TTC27: variants seen among roughly 807,000 people sequenced by gnomAD.
The protein encoded by TTC27 is tetratricopeptide repeat protein 27.
In TTC27, 79 loss-of-function variants were observed where a neutral mutation model predicts 115.9. The ratio of observed to expected loss-of-function variants is 0.68; its 90% confidence interval spans 0.57 to 0.82. The LOEUF (loss-of-function observed/expected upper bound fraction) is 0.82. Among genes scored for constraint, TTC27 ranks in the 40% least tolerant of loss-of-function variants. The pLI is 0.00. For synonymous variants in TTC27, 401 were observed against 356.0 expected (o/e 1.13, Z -1.42); for missense variants, 1,054 against 993.1 (o/e 1.06, Z -0.82).
intron 13 of TTC27, among the ~76,000 whole-genome samples, chr2:32,776,978 A>G (rs559756929): frequency 6.6e-6 from 1 of 150,802 alleles, no homozygotes; most frequent in Non-Finnish European, 1.5e-5. Flanking sequence ...TATGATGTAC[A>G]GATTTTTTTT....
intron 5 of TTC27, 85 bp from the exon 6 acceptor site, chr2:32,664,218 C>T: frequency 2.5e-6 from 3 of 1,184,866 alleles, no homozygotes; most frequent in South Asian, 1.6e-5. Flanking sequence ...GTACTATATA[C>T]TTTATGTATT....
At chr2:32,713,955 T>C (rs1233837443) in intron 10 of TTC27, among the ~76,000 whole-genome samples, 1 of 152,128 alleles carries the variant, frequency 6.6e-6, no homozygotes, top group Non-Finnish European at 1.5e-5. Context: ...ATGTCTGTTG[T>C]TCCCTTCTTT....
At chr2:32,716,432 C>T (rs1234932718) in intron 10 of TTC27, among the ~76,000 whole-genome samples, 2 of 152,174 alleles carry the variant, frequency 1.3e-5, no homozygotes, top group Non-Finnish European at 2.9e-5. Context: ...TTCCCCAATT[C>T]TGAGTTCATT....
chr2:32,703,815 G>C (rs1450568335), intron 10 of TTC27, among the ~76,000 whole-genome samples: 1 of 152,164 alleles, frequency 6.6e-6, no homozygotes, highest in African/African-American at 2.4e-5. Flanking sequence ...CAATGTCTTA[G>C]TCTGTTTGTG....
intron 5 of TTC27, among the ~76,000 whole-genome samples, chr2:32,657,797 A>C (rs1665383520): frequency 6.6e-6 from 1 of 152,012 alleles, no homozygotes; most frequent in African/African-American, 2.4e-5. Context: ...AGCTGAGCTC[A>C]ATTTTCTTTT....
chr2:32,742,192 C>T (rs1668670067), intron 12 of TTC27, among the ~76,000 whole-genome samples: 1 of 152,160 alleles, frequency 6.6e-6, no homozygotes, highest in Admixed American at 6.5e-5. Flanking sequence ...TTAAAGCCAG[C>T]ACCCATTTCC....
intron 5 of TTC27, among the ~76,000 whole-genome samples, chr2:32,660,477 C>A (rs1207889718): frequency 6.6e-6 from 1 of 152,058 alleles, no homozygotes; most frequent in Non-Finnish European, 1.5e-5. Flanking sequence ...AACCATCATT[C>A]TCAGCAAACT....
intron 9 of TTC27, among the ~76,000 whole-genome samples, chr2:32,685,932 G>C (rs1390986494): frequency 1.3e-5 from 2 of 152,164 alleles, no homozygotes; most frequent in Non-Finnish European, 2.9e-5. Context: ...CCTTTATGCA[G>C]AGGTGACATG....
At chr2:32,708,326 T>TTTTTTTTTTTTTTA (rs1169300608) in intron 10 of TTC27, among the ~76,000 whole-genome samples, 6 of 142,332 alleles carry the variant, frequency 4.2e-5, no homozygotes, top group African/African-American at 1.6e-4. Flanking sequence ...TTTTTTTTTT[T>TTTTTTTTTTTTTTA]AATGAGATGG....
At chr2:32,767,961 A>T (rs528158366) in intron 13 of TTC27, among the ~76,000 whole-genome samples, 1 of 152,364 alleles carries the variant, frequency 6.6e-6, no homozygotes, top group East Asian at 1.9e-4. Context: ...ACAATAAAGA[A>T]CAACTTTGAA....
chr2:32,708,887 C>A (rs1185987197), intron 10 of TTC27, among the ~76,000 whole-genome samples: 1 of 152,076 alleles, frequency 6.6e-6, no homozygotes, highest in Non-Finnish European at 1.5e-5. Context: ...ATATAACATA[C>A]AAAATATGTG....
intron 11 of TTC27, among the ~76,000 whole-genome samples, chr2:32,734,276 T>G (rs1277036437): frequency 1.3e-5 from 2 of 152,132 alleles, no homozygotes; most frequent in Non-Finnish European, 2.9e-5. Flanking sequence ...GTGTGATCAT[T>G]GTGCATTACA....
rs932132561 is a variant in TTC27, at chr2:32,723,189, G to A, written c.1234-10639G>A. On this transcript the variant is annotated intron_variant, in intron 10 of 19. Transcript: ENST00000317907. The stretch of plus-strand genomic sequence containing the variant: ...ATAACTTTAGTCAGATTCCCAAGGA[G>A]GAACAAACTTAAGTTCTTTGGACAA... 4.6e-5 allele frequency among the ~76,000 whole-genome samples: 7 copies of A among 152,140 alleles called. No homozygotes were observed. The East Asian group carries it at 5.8e-4, about 13-fold the overall frequency.
At chr2:32,748,548 G>A (rs938226920) in intron 12 of TTC27, among the ~76,000 whole-genome samples, 1 of 152,014 alleles carries the variant, frequency 6.6e-6, no homozygotes, top group African/African-American at 2.4e-5. Context: ...TTGTTCAGTT[G>A]TTTATTTTTC....
intron 10 of TTC27, among the ~76,000 whole-genome samples, chr2:32,705,237 C>G (rs1440986955): frequency 1.3e-5 from 2 of 152,140 alleles, no homozygotes; most frequent in South Asian, 4.1e-4. Flanking sequence ...CACTTGCTTC[C>G]CTTCCCTTCT....
chr2:32,715,883 C>G (rs1667738096), intron 10 of TTC27, among the ~76,000 whole-genome samples: 1 of 149,978 alleles, frequency 6.7e-6, no homozygotes, highest in Non-Finnish European at 1.5e-5. Flanking sequence ...TTTTTTAATA[C>G]TGATGGAATT....
At chr2:32,739,050 A>C (rs1431125881) in intron 12 of TTC27, among the ~76,000 whole-genome samples, 1 of 152,226 alleles carries the variant, frequency 6.6e-6, no homozygotes, top group African/African-American at 2.4e-5. Flanking sequence ...ATAGCATCTC[A>C]AATTTGATGA....
At chr2:32,633,536 C>A (rs1343067857) in intron 2 of TTC27, among the ~76,000 whole-genome samples, 2 of 151,986 alleles carry the variant, frequency 1.3e-5, no homozygotes, top group African/African-American at 2.4e-5. Context: ...GCATCAGCCT[C>A]TTGAGTAGCT....
intron 13 of TTC27, among the ~76,000 whole-genome samples, chr2:32,763,423 C>T (rs1329667002): frequency 1.3e-5 from 2 of 152,088 alleles, no homozygotes; most frequent in Non-Finnish European, 2.9e-5. Flanking sequence ...GGTTAAATAA[C>T]AAAATTTAGG....
Sources: gnomAD v4.1 joint callset for allele counts (sites outside exome capture counted in the v4.1 genomes callset) on GRCh38, gnomAD v4.1.1 for gene constraint, MANE v1.5 for transcripts, NCBI Gene and HGNC (gene_info 2026-07-23, HGNC 2026-07-21) for gene names.